Variants in CLNK observed in about 807,000 individuals in gnomAD.
CLNK encodes cytokine-dependent hematopoietic cell linker.
Under a neutral mutation model 68.6 loss-of-function variants are expected in CLNK, and 74 were observed. The ratio of observed to expected loss-of-function variants is 1.08; its 90% CI spans 0.89 to 1.31. CLNK has a LOEUF of 1.31. Ranked by LOEUF, CLNK falls within the 50% of genes most tolerant of loss-of-function variation. The pLI is 0.00. For missense variants in CLNK, 553 were observed against 515.3 expected, an observed-to-expected ratio of 1.07 and a Z score of -0.71; for synonymous variants, 198 against 172.2, an observed-to-expected ratio of 1.15 and a Z score of -1.17.
the CLNK span, among the ~76,000 whole-genome samples, chr4:10,726,841 C>T: frequency 2.6e-5 from 4 of 152,150 alleles, no homozygotes; most frequent in Admixed American, 1.3e-4. Flanking sequence ...ACAATGCCTG[C>T]TTGCTGTTAC....
chr4:10,503,240 C>A (rs1028064943), intron 17 of CLNK, among the ~76,000 whole-genome samples: 2 of 152,060 alleles, frequency 1.3e-5, no homozygotes, highest in African/African-American at 4.8e-5. Context: ...GCGGGTGGAT[C>A]ACTTGAGGTC....
intron 4 of CLNK, among the ~76,000 whole-genome samples, chr4:10,581,984 T>C (rs1449367326): frequency 2.6e-5 from 4 of 152,210 alleles, no homozygotes; most frequent in African/African-American, 4.8e-5. Context: ...CCTTACCATA[T>C]GCCTGCCAAA....
chr4:10,664,028 G>A (rs1341002134), intron 2 of CLNK, among the ~76,000 whole-genome samples: 2 of 152,142 alleles, frequency 1.3e-5, no homozygotes, highest in African/African-American at 4.8e-5. Context: ...ATAAATTTCT[G>A]TTGTTCCTGA....
At chr4:10,580,162 C>G (rs1349594439) in intron 4 of CLNK, among the ~76,000 whole-genome samples, 3 of 152,188 alleles carry the variant, frequency 2.0e-5, no homozygotes, top group Admixed American at 6.5e-5. Context: ...CTGATCGGAT[C>G]CATATCATTA....
chr4:10,597,754 G>C (rs1191288622), intron 3 of CLNK, among the ~76,000 whole-genome samples: 1 of 152,160 alleles, frequency 6.6e-6, no homozygotes, highest in Admixed American at 6.5e-5. Flanking sequence ...CTGGCCTGCA[G>C]AGCTGTGGAG....
chr4:10,709,165 T>A, the CLNK span, among the ~76,000 whole-genome samples: 1 of 152,216 alleles, frequency 6.6e-6, no homozygotes, highest in Non-Finnish European at 1.5e-5. Flanking sequence ...TTATACTGAC[T>A]CTATGTTCTT....
At chr4:10,640,525 C>T (rs1577190109) in intron 2 of CLNK, among the ~76,000 whole-genome samples, 1 of 152,318 alleles carries the variant, frequency 6.6e-6, no homozygotes, top group East Asian at 1.9e-4. Flanking sequence ...ACACACATAA[C>T]ACACACATAC....
intron 11 of CLNK, among the ~76,000 whole-genome samples, chr4:10,535,613 G>T (rs1019671360): frequency 8.5e-5 from 13 of 152,128 alleles, no homozygotes; most frequent in African/African-American, 3.1e-4. Context: ...CAATGGATTC[G>T]TAGTAGAAAA....
intron 2 of CLNK, among the ~76,000 whole-genome samples, chr4:10,653,420 AT>A (rs1321002669): frequency 6.6e-6 from 1 of 152,168 alleles, no homozygotes; most frequent in Non-Finnish European, 1.5e-5. Context: ...CTTATAGACT[AT>A]TTTTTACAAC....
intron 4 of CLNK, among the ~76,000 whole-genome samples, chr4:10,576,259 G>A (rs966704779): frequency 5.3e-5 from 8 of 152,092 alleles, no homozygotes; most frequent in African/African-American, 1.9e-4. Context: ...CGTCTTCCTG[G>A]ACCTGAAAGA....
At chr4:10,605,906 A>G (rs1214966457) in intron 2 of CLNK, among the ~76,000 whole-genome samples, 1 of 152,000 alleles carries the variant, frequency 6.6e-6, no homozygotes, top group Non-Finnish European at 1.5e-5. Context: ...CCATGAATGA[A>G]GCTTGCAGGA....
At chr4:10,700,080 T>C in the CLNK span, among the ~76,000 whole-genome samples, 41 of 151,616 alleles carry the variant, frequency 2.7e-4, no homozygotes, top group African/African-American at 9.9e-4. Flanking sequence ...GATACACTCA[T>C]GAAGTTTTTG....
rs1182557177 is a variant in CLNK, at chr4:10,684,700, G to T, written c.-75C>A. On this transcript the variant is annotated 5_prime_UTR_variant, in exon 1 of 19. Transcript: ENST00000226951. Reference sequence around the variant, plus strand: ...GCGTGGAGAGCACCAAGGGATCTAGGCTGAGGTGTCCGTCTCCTGTGAGGA... The same window carrying T: ...GCGTGGAGAGCACCAAGGGATCTAGTCTGAGGTGTCCGTCTCCTGTGAGGA... The T allele has an allele frequency of 6.6e-6, 1 of 152,208 alleles. No homozygotes were observed. The highest frequency in any genetic ancestry group is 1.5e-5 in the Non-Finnish European group (1 of 68,080). 9.4% of individuals were successfully genotyped at this position (152,208 alleles called of 1,614,324 possible).
chr4:10,629,425 C>T (rs912353427), intron 2 of CLNK, among the ~76,000 whole-genome samples: 1 of 152,160 alleles, frequency 6.6e-6, no homozygotes, highest in Non-Finnish European at 1.5e-5. Context: ...CCAAGACATG[C>T]TGGCAGCCTG....
chr4:10,546,624 T>G (rs928746029), intron 8 of CLNK, among the ~76,000 whole-genome samples: 1 of 152,148 alleles, frequency 6.6e-6, no homozygotes, highest in African/African-American at 2.4e-5. Context: ...ATTTAAACAT[T>G]TTCTATCCTG....
intron 4 of CLNK, among the ~76,000 whole-genome samples, chr4:10,575,112 T>C (rs546368575): frequency 9.2e-5 from 14 of 152,358 alleles, no homozygotes; most frequent in African/African-American, 3.4e-4. Context: ...CTTGTCCGTA[T>C]TGTATTCTGA....
At position 10,611,496 on chromosome 4, in the gene CLNK, G is replaced by A. The variant is rs867503037; in HGVS notation, c.12-13447C>T. The stretch of plus-strand genomic sequence containing the variant: ...CTGGCCACAGAGGGAGGCTAAGTCT[G>A]AAAAAAAAAAAAAAATGTAGTGGAC... On this transcript the variant is annotated intron_variant, in intron 2 of 18. Transcript: ENST00000226951. Among the ~76,000 whole-genome samples the A allele has an allele frequency of 7.3e-3, 989 of 134,700 alleles. 11 individuals carry two copies. The highest frequency in any genetic ancestry group is 0.024 in the African/African-American group (880 of 36,206). The allele number at this position is 134,700 out of a possible 152,430, so 88.4% of individuals were successfully genotyped here. A position where few individuals can be genotyped will look rare whatever the true frequency, so the allele number is the denominator to read the frequency against.
At chr4:10,578,579 CTTTTTTTTTTTTTTTT>C in intron 4 of CLNK, among the ~76,000 whole-genome samples, 1 of 44,922 alleles carries the variant, frequency 2.2e-5, no homozygotes, top group South Asian at 1.2e-3. Flanking sequence ...CTTACCTTAT[CTTTTTTTTTTTTTTTT>C]TTTTTTTTTG....
intron 8 of CLNK, among the ~76,000 whole-genome samples, chr4:10,542,702 T>C (rs529626473): frequency 6.7e-6 from 1 of 149,192 alleles, no homozygotes; most frequent in South Asian, 2.2e-4. Context: ...ATATATACAA[T>C]TCAATTTCCT....
Sources: allele counts gnomAD v4.1 joint callset (sites outside exome capture counted in the v4.1 genomes callset), GRCh38; gene constraint gnomAD v4.1.1; transcripts MANE v1.5; gene names NCBI Gene and HGNC (gene_info 2026-07-23, HGNC 2026-07-21).